Variants in SYT6 observed in about 807,000 individuals in gnomAD.
SYT6 encodes synaptotagmin 6.
SYT6 carries 24 observed loss-of-function variants against 38.4 expected under a neutral mutation model. The observed-to-expected ratio is 0.62, with a 90% CI of 0.45 to 0.88. The LOEUF (loss-of-function observed/expected upper bound fraction) is 0.88, where lower values mean the gene tolerates loss of function less well. SYT6 is among the 40% of genes least tolerant of loss of function. SYT6 has a pLI of 0.00. For synonymous variants in SYT6, 265 were observed against 241.9 expected (o/e 1.10, Z -0.89); for missense variants, 611 against 621.0 (o/e 0.98, Z 0.17).
chr1:114,152,099 G>C (rs963568158), intron 1 of SYT6: 1 of 150,880 alleles, frequency 6.6e-6, no homozygotes, highest in South Asian at 2.1e-4. Context: ...TTGGCCCACC[G>C]CCCCCTCCCC....
At position 114,109,083 on chromosome 1, in the gene SYT6, C is replaced by T. The variant is rs541167320; in HGVS notation, c.1072-5362G>A. ...GCTAAAGAAACCCCGCATTGTAGGC[C>T]TGGGGCTCTGTGTTGGGGGTACAGA... On this transcript the variant is annotated intron_variant, in intron 3 of 7. Transcript: ENST00000610222. Among the ~76,000 whole-genome samples, 5 of 152,288 alleles carry T rather than the reference C, an allele frequency of 3.3e-5. No individual in the cohort carries two copies. In the East Asian group the frequency reaches 7.7e-4, roughly 24 times the overall value.
intron 4 of SYT6, among the ~76,000 whole-genome samples, chr1:114,101,276 AC>A (rs1371641727): frequency 6.6e-6 from 1 of 152,262 alleles, no homozygotes. Context: ...CAGACAGATG[AC>A]CGTTCCCTAG....
intron 4 of SYT6, 75 bp from the exon 5 acceptor site, chr1:114,099,340 G>A (rs1675830889): frequency 1.3e-6 from 2 of 1,488,372 alleles, no homozygotes; most frequent in Non-Finnish European, 1.8e-6. Context: ...TGCAGCAAAG[G>A]GACCGAAGCC....
intron 3 of SYT6, among the ~76,000 whole-genome samples, chr1:114,108,905 A>C (rs1356926212): frequency 1.3e-5 from 2 of 152,214 alleles, no homozygotes; most frequent in African/African-American, 4.8e-5. Flanking sequence ...CATCATCAGC[A>C]GAGAAGCATC....
intron 1 of SYT6, among the ~76,000 whole-genome samples, chr1:114,153,326 A>G (rs1167350403): frequency 6.6e-6 from 1 of 152,226 alleles, no homozygotes; most frequent in East Asian, 1.9e-4. Flanking sequence ...CTGAAGCCCC[A>G]AGGGTGCCCC....
chr1:114,120,096 A>T (rs1677300731), intron 3 of SYT6, among the ~76,000 whole-genome samples: 1 of 151,612 alleles, frequency 6.6e-6, no homozygotes, highest in Non-Finnish European at 1.5e-5. Context: ...AATCTCTTTT[A>T]AAGATTCTCA....
chr1:114,134,974 C>T (rs767202799), intron 3 of SYT6, among the ~76,000 whole-genome samples: 1 of 152,172 alleles, frequency 6.6e-6, no homozygotes, highest in African/African-American at 2.4e-5. Context: ...AAGCATCAGC[C>T]TTCTCGCACC....
intron 3 of SYT6, among the ~76,000 whole-genome samples, chr1:114,109,185 C>T (rs1255423431): frequency 6.6e-6 from 1 of 152,184 alleles, no homozygotes; most frequent in African/African-American, 2.4e-5. Context: ...CAACACAGGC[C>T]TCCTCTTCAT....
chr1:114,101,467 T>C (rs1571823470), intron 4 of SYT6, among the ~76,000 whole-genome samples: 1 of 152,308 alleles, frequency 6.6e-6, no homozygotes. Context: ...ATTTAGAATG[T>C]GCTCACCACC....
intron 3 of SYT6, among the ~76,000 whole-genome samples, chr1:114,116,953 T>C (rs912269455): frequency 6.6e-6 from 1 of 152,206 alleles, no homozygotes; most frequent in Non-Finnish European, 1.5e-5. Flanking sequence ...CTTGGCCTCA[T>C]GTTTTAGGCA....
chr1:114,095,441 G>A (rs1675574608), intron 6 of SYT6, among the ~76,000 whole-genome samples: 1 of 152,170 alleles, frequency 6.6e-6, no homozygotes, highest in Non-Finnish European at 1.5e-5. Context: ...AGCTGTAGCC[G>A]CTGCTCTGTC....
chr1:114,152,766 C>T (rs1475991781), intron 1 of SYT6: 2 of 152,244 alleles, frequency 1.3e-5, no homozygotes, highest in Non-Finnish European at 2.9e-5. Flanking sequence ...CGGGACTCAC[C>T]CGCTCCGGCG....
At chr1:114,129,944 C>G (rs181851745) in intron 3 of SYT6, among the ~76,000 whole-genome samples, 1 of 151,998 alleles carries the variant, frequency 6.6e-6, no homozygotes, top group African/African-American at 2.4e-5. Flanking sequence ...CTCGGCCTCC[C>G]GAAGTGCTAG....
intron 3 of SYT6, among the ~76,000 whole-genome samples, chr1:114,115,835 G>C (rs1342751114): frequency 6.6e-6 from 1 of 152,122 alleles, no homozygotes; most frequent in Non-Finnish European, 1.5e-5. Context: ...CATGTGCTAA[G>C]CTTGGCTTTG....
intron 3 of SYT6, among the ~76,000 whole-genome samples, chr1:114,116,827 T>C (rs190659269): frequency 4.9e-4 from 74 of 152,306 alleles, no homozygotes; most frequent in Non-Finnish European, 7.4e-4. Flanking sequence ...TCCTGGGGCA[T>C]CTATGCCTTC....
chr1:114,111,663 C>T (rs1676684975), intron 3 of SYT6, among the ~76,000 whole-genome samples: 1 of 152,256 alleles, frequency 6.6e-6, no homozygotes, highest in Non-Finnish European at 1.5e-5. Flanking sequence ...GCTCCCATTG[C>T]CCTTGGGTGG....
At chr1:114,130,957 G>A (rs1018260916) in intron 3 of SYT6, among the ~76,000 whole-genome samples, 5 of 152,178 alleles carry the variant, frequency 3.3e-5, no homozygotes, top group Non-Finnish European at 5.9e-5. Flanking sequence ...TGATTCTTTG[G>A]CTCTACTTGA....
At chr1:114,123,167 C>T (rs936290346) in intron 3 of SYT6, among the ~76,000 whole-genome samples, 5 of 152,144 alleles carry the variant, frequency 3.3e-5, no homozygotes, top group African/African-American at 9.7e-5. Flanking sequence ...CTGGAGATGG[C>T]TCTGACAATG....
At position 114,103,578 on chromosome 1, in the gene SYT6, G is replaced by A. The variant is rs760270348; in HGVS notation, c.1192+23C>T. 2.5e-6 allele frequency: 4 copies of A among 1,613,400 alleles called. No individual in the cohort carries two copies. In the Admixed American group the frequency reaches 5.0e-5, roughly 20 times the overall value. On this transcript the variant is annotated intron_variant, in intron 4 of 7. Coordinates refer to ENST00000610222, the MANE Select transcript of SYT6 (RefSeq NM_001253772.2). Reference sequence around the variant, plus strand: ...ATCCTAATGTCTGGGCTGCTGGCAGGCCACTTGGGTTAAGAGAGGTACCTG... The same window carrying A: ...ATCCTAATGTCTGGGCTGCTGGCAGACCACTTGGGTTAAGAGAGGTACCTG...
Sources: gnomAD v4.1 joint callset for allele counts (sites outside exome capture counted in the v4.1 genomes callset) on GRCh38, gnomAD v4.1.1 for gene constraint, MANE v1.5 for transcripts, NCBI Gene and HGNC (gene_info 2026-07-23, HGNC 2026-07-21) for gene names.